AFAP1L2: variants seen among roughly 807,000 people sequenced by gnomAD.
AFAP1L2 encodes the protein actin filament-associated protein 1-like 2.
Under a neutral mutation model 99.3 loss-of-function variants are expected in AFAP1L2, and 46 were observed. That is an observed-to-expected ratio of 0.46 (90% CI 0.37 to 0.59). The LOEUF (loss-of-function observed/expected upper bound fraction) is 0.59. Among genes scored for constraint, AFAP1L2 ranks in the 20% least tolerant of loss-of-function variants. The pLI is 0.00. For missense variants in AFAP1L2, 959 were observed against 1,034.9 expected, an observed-to-expected ratio of 0.93 and a Z score of 1.01; for synonymous variants, 397 against 419.1, an observed-to-expected ratio of 0.95 and a Z score of 0.64.
At chr10:114,405,086 C>A (rs1168553213), upstream of AFAP1L2, among the ~76,000 whole-genome samples, 2 of 152,230 alleles carry the variant, frequency 1.3e-5, no homozygotes, top group Non-Finnish European at 2.9e-5. Flanking sequence ...CCTCTCTGGG[C>A]AGCCGCTGCC....
chr10:114,346,176 G>A (rs2049534748), intron 1 of AFAP1L2, among the ~76,000 whole-genome samples: 1 of 152,164 alleles, frequency 6.6e-6, no homozygotes, highest in Non-Finnish European at 1.5e-5. Flanking sequence ...AGGGAAGGAT[G>A]TTCCTTCCCT....
intron 4 of AFAP1L2, among the ~76,000 whole-genome samples, chr10:114,328,817 C>T (rs2046817163): frequency 6.6e-6 from 1 of 152,222 alleles, no homozygotes; most frequent in South Asian, 2.1e-4. Context: ...AGGACATGTG[C>T]TCATGTGTGT....
intron 10 of AFAP1L2, among the ~76,000 whole-genome samples, chr10:114,306,159 C>A (rs77334171): frequency 2.0e-5 from 1 of 51,014 alleles, no homozygotes; most frequent in East Asian, 6.6e-4. Context: ...GGCTGCAGGA[C>A]GGGATGGGGC....
chr10:114,318,359 C>T (rs1396087899), intron 5 of AFAP1L2, among the ~76,000 whole-genome samples: 1 of 152,164 alleles, frequency 6.6e-6, no homozygotes, highest in Non-Finnish European at 1.5e-5. Flanking sequence ...AGAATTCTAA[C>T]ATCTGCCCAT....
At chr10:114,290,513 G>T, downstream of AFAP1L2, 1 of 1,106,256 alleles carries the variant, frequency 9.0e-7, no homozygotes, top group Non-Finnish European at 1.3e-6. Context: ...CATTTAGTGA[G>T]TACCTCCTGC....
chr10:114,315,119 C>T (rs1443217805), intron 6 of AFAP1L2, among the ~76,000 whole-genome samples: 2 of 151,942 alleles, frequency 1.3e-5, no homozygotes, highest in Non-Finnish European at 2.9e-5. Context: ...GCAGCCTGGG[C>T]GACAGAGCAA....
chr10:114,386,541 C>G (rs116563911), intron 1 of AFAP1L2, among the ~76,000 whole-genome samples: 2,470 of 152,276 alleles, frequency 0.016, 69 homozygotes, highest in African/African-American at 0.053. Context: ...GAATCAGGGC[C>G]GACAGGTGGG....
intron 4 of AFAP1L2, 113 bp downstream of exon 4, chr10:114,331,688 AAC>A (rs1303220258): frequency 5.5e-6 from 4 of 721,002 alleles, no homozygotes; most frequent in East Asian, 6.9e-5. Flanking sequence ...CCAGTCCCTG[AAC>A]ACAGTAGCTG....
In AFAP1L2 at chr10:114,355,738, A is replaced by G. The variant is rs542497680; in HGVS notation, c.17-15007T>C. ...TGTAACCCCAGCACTTTGGGGGACC[A>G]AGGTGGTTGGATCACTTGAGCCCAG... On this transcript the variant is annotated intron_variant, in intron 1 of 18. Transcript: ENST00000304129. Among the ~76,000 whole-genome samples, 3 of 152,136 alleles carry G rather than the reference A, an allele frequency of 2.0e-5. No individual in the cohort carries two copies. In the South Asian group the frequency reaches 6.2e-4, roughly 32 times the overall value.
At chr10:114,286,958 A>C in the AFAP1L2 span, among the ~76,000 whole-genome samples, 1 of 152,224 alleles carries the variant, frequency 6.6e-6, no homozygotes, top group East Asian at 1.9e-4. Context: ...ACACGGATGC[A>C]TGTGCATGCA....
At chr10:114,345,200 C>CGGAGG (rs559649724) in intron 1 of AFAP1L2, among the ~76,000 whole-genome samples, 2 of 144,906 alleles carry the variant, frequency 1.4e-5, no homozygotes, top group South Asian at 2.3e-4. Context: ...CTCTGTGTAT[C>CGGAGG]GGGGGAACAT....
intron 1 of AFAP1L2, among the ~76,000 whole-genome samples, chr10:114,403,048 A>T (rs909780853): frequency 6.6e-6 from 1 of 152,248 alleles, no homozygotes; most frequent in Non-Finnish European, 1.5e-5. Context: ...AGTGTCTGAG[A>T]CAGCATAAGC....
In AFAP1L2 at chr10:114,322,137, G is replaced by A. The variant is rs114859905; in HGVS notation, c.406+1034C>T. Among the ~76,000 whole-genome samples the A allele has an allele frequency of 4.4e-3, 677 of 152,138 alleles. 4 individuals carry two copies. The highest frequency in any genetic ancestry group is 0.015 in the African/African-American group (615 of 41,492). ...GCCATGTAAGACGTCTTTGCTCTTC[G>A]TCTTCCACCATGATTGTGAGGCCTC... On this transcript the variant is annotated intron_variant, in intron 5 of 18. Transcript: ENST00000304129.
At chr10:114,286,199 A>C in the AFAP1L2 span, 1 of 1,613,918 alleles carries the variant, frequency 6.2e-7, no homozygotes, top group Non-Finnish European at 8.5e-7. Flanking sequence ...TGGTGGCCCC[A>C]CCCTGACGGG....
Position 114,377,821 on chromosome 10 carries a change from C to G in AFAP1L2, c.16+26619G>C, listed in dbSNP as rs1030592563. 1.3e-5 allele frequency among the ~76,000 whole-genome samples: 2 copies of G among 152,198 alleles called. No homozygotes were observed. Among genetic ancestry groups the G allele is most frequent in the African/African-American group, 4.8e-5 (2 of 41,442 alleles). ...TGAGAGGCTTAAGGAGAGAGCATCA[C>G]ATAGTTGGTTCCATTTCCAAGGGAG... On this transcript the variant is annotated intron_variant, in intron 1 of 18. Coordinates refer to ENST00000304129, the MANE Select transcript of AFAP1L2 (RefSeq NM_001001936.3). This position sits in a 1 kb window ranked among gnomAD's most constrained non-coding sequence, Gnocchi z 4.0.
At chr10:114,294,821 A>G (rs1564758015), downstream of AFAP1L2, 1 of 980,700 alleles carries the variant, frequency 1.0e-6, no homozygotes, top group Non-Finnish European at 1.2e-6. Flanking sequence ...AACTGAGGAA[A>G]ACTTCAAATA....
At chr10:114,298,541 G>A (rs1378041770) in intron 16 of AFAP1L2, among the ~76,000 whole-genome samples, 3 of 152,024 alleles carry the variant, frequency 2.0e-5, no homozygotes, top group Admixed American at 2.0e-4. Context: ...ACTTTGGAAA[G>A]GTTCTAGAAG....
intron 1 of AFAP1L2, among the ~76,000 whole-genome samples, chr10:114,395,717 G>C (rs2057632316): frequency 6.6e-6 from 1 of 152,272 alleles, no homozygotes; most frequent in East Asian, 1.9e-4. Flanking sequence ...ACAGATGCCA[G>C]TGTGCCCAGG....
intron 18 of AFAP1L2, 107 bp from the exon 19 acceptor site, chr10:114,296,175 T>G: frequency 6.8e-7 from 1 of 1,475,586 alleles, no homozygotes; most frequent in Non-Finnish European, 9.5e-7. Context: ...AAAACTATTT[T>G]AGGCACAGAG....
Sources: gnomAD v4.1 joint callset for allele counts (sites outside exome capture counted in the v4.1 genomes callset) on GRCh38, gnomAD v4.1.1 for gene constraint, Gnocchi (gnomAD v3.1) non-coding constraint, MANE v1.5 for transcripts, NCBI Gene and HGNC (gene_info 2026-07-23, HGNC 2026-07-21) for gene names.